Variants in ZNF853 observed in about 807,000 individuals in gnomAD.
The protein encoded by ZNF853 is zinc finger protein 853.
ZNF853 carries 57 observed loss-of-function variants against 94.7 expected under a neutral mutation model. The ratio of observed to expected loss-of-function variants is 0.60; its 90% CI spans 0.49 to 0.75. The LOEUF (loss-of-function observed/expected upper bound fraction) is 0.75, where lower values mean the gene tolerates loss of function less well. ZNF853 is among the 30% of genes least tolerant of loss of function. ZNF853 has a pLI of 0.00. For synonymous variants in ZNF853, 448 were observed against 406.3 expected (o/e 1.10, Z -1.23); for missense variants, 785 against 868.9 (o/e 0.90, Z 1.21).
chr7:6,620,094 G>C, intron 2 of ZNF853, among the ~76,000 whole-genome samples: 1 of 152,142 alleles, frequency 6.6e-6, no homozygotes, highest in Non-Finnish European at 1.5e-5. Context: ...CAGATGGTGT[G>C]GGTATCACTG....
chr7:6,617,547 C>A lies in ZNF853; in HGVS notation c.130+240C>A. The A allele has an allele frequency of 2.0e-5, 19 of 970,118 alleles. No homozygotes were observed. The South Asian group carries it at 8.6e-4, about 44-fold the overall frequency. The allele number at this position is 970,118 out of a possible 1,614,324, so 60.1% of individuals were successfully genotyped here. The stretch of plus-strand genomic sequence containing the variant: ...GCTGACTGGACTTAACACTCACACG[C>A]GCTGCTGGCTGGAACTCATTGCTGT... On this transcript the variant is annotated intron_variant, in intron 2 of 2. Transcript: ENST00000457543.
chr7:6,622,362 G>A lies in ZNF853; in HGVS notation c.1371G>A (p.Val457=). 1 of 1,433,750 alleles carries A rather than the reference G, an allele frequency of 7.0e-7. No homozygotes were observed. Among genetic ancestry groups the A allele is most frequent in the South Asian group, 1.4e-5 (1 of 72,344 alleles). The allele number at this position is 1,433,750 out of a possible 1,614,324, so 88.8% of individuals were successfully genotyped here. A position where few individuals can be genotyped will look rare whatever the true frequency, so the allele number is the denominator to read the frequency against. The change falls in exon 3 of 3, where the codon GTG becomes GTA. Residue 457 remains valine (V), a synonymous_variant. Coordinates refer to ENST00000457543, the MANE Select transcript of ZNF853 (RefSeq NM_017560.3). ...TGCCCGCCGTGGCAGCGCCGGCCGT[G>A]GTGGCCATCCCGGGCCCGGCAGGCA... is the stretch of plus-strand genomic sequence containing the variant. The part of the protein sequence containing the change: ...MVLPAVAAPA[V]VAIPGPAGSA...
chr7:6,617,312 G>C lies in ZNF853; in HGVS notation c.130+5G>C. ...CAGGGCCTGACACCCTCTCAGGTGA[G>C]GGCCTCGGGGGATCCCTTGACAGAG... is the stretch of plus-strand genomic sequence containing the variant. On this transcript the variant is annotated splice_donor_5th_base_variant and intron_variant, in intron 2 of 2. Coordinates refer to ENST00000457543, the MANE Select transcript of ZNF853 (RefSeq NM_017560.3). 6.9e-7 allele frequency: 1 copy of C among 1,447,252 alleles called. No homozygotes were observed. The highest frequency in any genetic ancestry group is 1.4e-5 in the South Asian group (1 of 72,166). 89.7% of individuals were successfully genotyped at this position (1,447,252 alleles called of 1,614,324 possible).
intron 2 of ZNF853, among the ~76,000 whole-genome samples, chr7:6,618,758 A>T: frequency 6.6e-6 from 1 of 152,122 alleles, no homozygotes; most frequent in Non-Finnish European, 1.5e-5. Flanking sequence ...AGGGAGTCAG[A>T]GTGGCCTGTG....
At chr7:6,620,005 C>T in intron 2 of ZNF853, among the ~76,000 whole-genome samples, 3 of 152,172 alleles carry the variant, frequency 2.0e-5, no homozygotes, top group African/African-American at 7.2e-5. Context: ...CCAATCCTAA[C>T]CTTCAGAGAG....
At position 6,619,346 on chromosome 7, in the gene ZNF853, A is replaced by G; in HGVS notation, c.131-1776A>G. On this transcript the variant is annotated intron_variant, in intron 2 of 2. Transcript: ENST00000457543. The stretch of plus-strand genomic sequence containing the variant: ...GAGTGCACTGGCGTGATCTCAGCTC[A>G]CTGCAACCTCTGCCTTTCAGGTTCA... Among the ~76,000 whole-genome samples, 96 of 152,090 alleles carry G rather than the reference A, an allele frequency of 6.3e-4. 1 individual carries two copies. The highest frequency in any genetic ancestry group is 1.1e-3 in the Non-Finnish European group (78 of 68,012).
intron 1 of ZNF853, among the ~76,000 whole-genome samples, 174 bp downstream of exon 1, chr7:6,616,360 G>T: frequency 6.6e-6 from 1 of 152,246 alleles, no homozygotes; most frequent in East Asian, 1.9e-4. Flanking sequence ...ACAGTGCTCT[G>T]GACACCTGCC....
Position 6,622,478 on chromosome 7 carries a change from G to A in ZNF853, c.1487G>A (p.Arg496His), listed in dbSNP as rs1293798761. 3 of 1,533,336 alleles carry A rather than the reference G, an allele frequency of 2.0e-6. No individual in the cohort carries two copies. Among genetic ancestry groups the A allele is most frequent in the African/African-American group, 1.4e-5 (1 of 71,654 alleles). 95.0% of individuals were successfully genotyped at this position (1,533,336 alleles called of 1,614,324 possible). ...GGGGAGTGCGGCAAGGGCTTCAGCCGCAGCACGGACCTGGTGCGCCACCAG... is the reference window on the plus strand; with the variant it reads ...GGGGAGTGCGGCAAGGGCTTCAGCCACAGCACGGACCTGGTGCGCCACCAG... ...ICGECGKGFS[R>H]STDLVRHQAT... The change falls in exon 3 of 3, where the codon CGC becomes CAC. Residue 496 changes from arginine (R) to histidine (H), a missense_variant. Physicochemically the swap from Arg to His is conservative, Grantham distance 29 (BLOSUM62 0). Transcript: ENST00000457543.
At position 6,617,171 on chromosome 7, in the gene ZNF853, T is replaced by G; in HGVS notation, c.13-19T>G. ...AAGCACTCCAGCCTGGCTAAACTGC[T>G]TCCTTCCTTTCAGCACAGCCGACTC... On this transcript the variant is annotated intron_variant, in intron 1 of 2. Transcript: ENST00000457543. The G allele has an allele frequency of 1.3e-6, 2 of 1,535,610 alleles. No individual in the cohort carries two copies. Among genetic ancestry groups the G allele is most frequent in the Non-Finnish European group, 8.8e-7 (1 of 1,140,084 alleles).
chr7:6,622,379 C>T lies in ZNF853; in HGVS notation c.1388C>T (p.Pro463Leu), dbSNP rs1197370268. The change falls in exon 3 of 3, where the codon CCG becomes CTG. Residue 463 changes from proline (P) to leucine (L), a missense_variant. Coordinates refer to ENST00000457543, the MANE Select transcript of ZNF853 (RefSeq NM_017560.3). The stretch of plus-strand genomic sequence containing the variant: ...CCGGCCGTGGTGGCCATCCCGGGCC[C>T]GGCAGGCAGCGCGGCGTTGACCCCT... Reference protein sequence around the residue: ...AAPAVVAIPGPAGSAALTPAR... With the variant: ...AAPAVVAIPGLAGSAALTPAR... 5 of 1,396,618 alleles carry T rather than the reference C, an allele frequency of 3.6e-6. No individual in the cohort carries two copies. Among genetic ancestry groups the T allele is most frequent in the South Asian group, 1.5e-5 (1 of 67,984 alleles). 86.5% of individuals were successfully genotyped at this position (1,396,618 alleles called of 1,614,324 possible).
rs1469034607 is a variant in ZNF853 at position 6,615,663 on chromosome 7, G to T, written c.-512G>T. 6.9e-6 allele frequency: 1 copy of T among 144,998 alleles called. No homozygotes were observed. Among genetic ancestry groups the T allele is most frequent in the African/African-American group, 2.5e-5 (1 of 40,434 alleles). 9.0% of individuals were successfully genotyped at this position (144,998 alleles called of 1,614,324 possible). A position where few individuals can be genotyped will look rare whatever the true frequency, so the allele number is the denominator to read the frequency against. On this transcript the variant is annotated 5_prime_UTR_variant, in exon 1 of 3. Coordinates refer to ENST00000457543, the MANE Select transcript of ZNF853 (RefSeq NM_017560.3). This position sits in a 1 kb window ranked among gnomAD's most constrained non-coding sequence, Gnocchi z 8.5. ...GACGCACTCCCGGGCGGGCGGGCGA[G>T]CCCAGGGGGACCCGGCCTTGCCGCG...
intron 2 of ZNF853, among the ~76,000 whole-genome samples, chr7:6,620,592 C>T: frequency 6.6e-6 from 1 of 152,016 alleles, no homozygotes; most frequent in African/African-American, 2.4e-5. Context: ...TCCCTTTCTT[C>T]CCTTCTTCCT....
Position 6,621,505 on chromosome 7 carries a change from C to T in ZNF853, c.514C>T (p.Gln172Ter). The change falls in exon 3 of 3, where the codon CAG (glutamine) becomes TAG (stop). Residue 172 changes from glutamine (Q) to a stop codon, truncating the protein, a stop_gained. Transcript: ENST00000457543. LOFTEE classifies it high-confidence loss of function. ...AGTGCAAGAGCAACAGCGGTTGCAG[C>T]AGCAGCAGGAGCAGTTACAGACGCA... ...QQVQEQQRLQQQQEQLQTQQA... is the reference protein window; with the variant it reads ...QQVQEQQRLQ The T allele has an allele frequency of 6.4e-7, 1 of 1,551,788 alleles. No individual in the cohort carries two copies. The highest frequency in any genetic ancestry group is 1.2e-5 in the South Asian group (1 of 84,066).
At chr7:6,617,106 G>A in intron 1 of ZNF853, 84 bp from the exon 2 acceptor site, 2 of 1,072,448 alleles carry the variant, frequency 1.9e-6, no homozygotes, top group Non-Finnish European at 2.7e-6. Flanking sequence ...AGGCAGAGGT[G>A]GAGGGCCTTT....
At position 6,622,426 on chromosome 7, in the gene ZNF853, C is replaced by A; in HGVS notation, c.1435C>A (p.Arg479Ser). Reference protein sequence around the residue: ...LTPARQRRRRRARDRPTICGE... With the variant: ...LTPARQRRRRSARDRPTICGE... ...CCCTGCACGGCAGCGGCGGCGGCGG[C>A]GCGCTCGGGACCGGCCGACCATCTG... is the stretch of plus-strand genomic sequence containing the variant. Residue 479 changes from arginine to serine, a missense_variant, in exon 3 of 3, where the codon CGC (arginine) becomes AGC (serine). Transcript: ENST00000457543. The A allele has an allele frequency of 7.0e-7, 1 of 1,426,236 alleles. No homozygotes were observed. Among genetic ancestry groups the A allele is most frequent in the Non-Finnish European group, 9.1e-7 (1 of 1,099,944 alleles). The allele number at this position is 1,426,236 out of a possible 1,614,324, so 88.3% of individuals were successfully genotyped here.
In ZNF853 at chr7:6,621,618, A is replaced by G. The variant is rs1414993436; in HGVS notation, c.627A>G (p.Glu209=). Residue 209 remains glutamate, a synonymous_variant, in exon 3 of 3, where the codon GAA becomes GAG. Coordinates refer to ENST00000457543, the MANE Select transcript of ZNF853 (RefSeq NM_017560.3). The part of the protein sequence containing the change: ...QEQQLLQQQQ[E]QLQQQQLLQQ... The stretch of plus-strand genomic sequence containing the variant: ...AACAGCTGTTACAGCAACAGCAGGA[A>G]CAGTTACAGCAGCAGCAGCTGCTAC... The G allele has an allele frequency of 5.8e-6, 9 of 1,549,912 alleles. No individual in the cohort carries two copies. In the East Asian group the frequency reaches 2.2e-4, roughly 38 times the overall value.
At chr7:6,617,906 G>A in intron 2 of ZNF853, among the ~76,000 whole-genome samples, 1 of 152,120 alleles carries the variant, frequency 6.6e-6, no homozygotes, top group South Asian at 2.1e-4. Context: ...TCCATTCTGT[G>A]CTTTAAGGGT....
chr7:6,619,116 T>G, intron 2 of ZNF853, among the ~76,000 whole-genome samples: 1 of 143,214 alleles, frequency 7.0e-6, no homozygotes, highest in African/African-American at 2.6e-5. Flanking sequence ...CTTGACTCAC[T>G]GCAACCTCCA....
In ZNF853 at chr7:6,621,896, T is replaced by G. The variant is rs552407084; in HGVS notation, c.905T>G (p.Leu302Trp). 230 of 1,550,980 alleles carry G rather than the reference T, an allele frequency of 1.5e-4. 1 individual carries two copies. Among genetic ancestry groups the G allele is most frequent in the Non-Finnish European group, 1.9e-4 (214 of 1,146,780 alleles). ...CTGTTGCAACAGCAGCAGGAACAAT[T>G]GCAGCAGCAACAACTGCAGCCTCCT... The part of the protein sequence containing the change: ...QQLLQQQQEQ[L>W]QQQQLQPPPL... Residue 302 changes from leucine (L) to tryptophan (W), a missense_variant, in exon 3 of 3, where the codon TTG becomes TGG. Physicochemically the swap from Leu to Trp is moderately conservative, Grantham distance 61. Coordinates refer to ENST00000457543, the MANE Select transcript of ZNF853 (RefSeq NM_017560.3).
Sources: allele counts gnomAD v4.1 joint callset (sites outside exome capture counted in the v4.1 genomes callset), GRCh38; gene constraint gnomAD v4.1.1; non-coding constraint Gnocchi (gnomAD v3.1); transcripts MANE v1.5; gene names NCBI Gene and HGNC (gene_info 2026-07-23, HGNC 2026-07-21).